MYO5B: variants seen among roughly 807,000 people sequenced by gnomAD.
MYO5B encodes unconventional myosin-Vb.
MYO5B carries 143 observed loss-of-function variants against 229.3 expected under a neutral mutation model. The ratio of observed to expected loss-of-function variants is 0.62; its 90% CI spans 0.54 to 0.72. The LOEUF (loss-of-function observed/expected upper bound fraction) is 0.72. Ranked by LOEUF, MYO5B falls within the 30% of genes least tolerant of loss-of-function variation. MYO5B has a pLI of 0.00. For synonymous variants in MYO5B, 918 were observed against 885.2 expected (o/e 1.04, Z -0.66); for missense variants, 2,321 against 2,331.0 (o/e 1.00, Z 0.09).
rs1016060037 is a variant in MYO5B, at chr18:49,896,025, C to G, written c.2812-851G>C. On this transcript the variant is annotated intron_variant, in intron 21 of 39. Coordinates refer to ENST00000285039, the MANE Select transcript of MYO5B (RefSeq NM_001080467.3). ...TGGTCATTGATTATTCTTCATTGCT[C>G]TGGTCTGTAGGAGCGCCAGGCAGAA... is the stretch of plus-strand genomic sequence containing the variant. Among the ~76,000 whole-genome samples the G allele has an allele frequency of 2.6e-4, 40 of 152,342 alleles. 1 individual carries two copies. Among genetic ancestry groups the G allele is most frequent in the African/African-American group, 4.8e-5 (2 of 41,590 alleles).
At chr18:50,138,697 A>G (rs565709750) in intron 1 of MYO5B, among the ~76,000 whole-genome samples, 1 of 152,178 alleles carries the variant, frequency 6.6e-6, no homozygotes, top group East Asian at 1.9e-4. Flanking sequence ...AACCTCTAAG[A>G]GGTTTGATAA....
chr18:49,838,646 C>G (rs568020579), intron 36 of MYO5B, among the ~76,000 whole-genome samples: 1 of 152,102 alleles, frequency 6.6e-6, no homozygotes, highest in Non-Finnish European at 1.5e-5. Flanking sequence ...ATTTTTCTTC[C>G]GATTGAAAAT....
chr18:50,122,336 T>C (rs1038040188), intron 1 of MYO5B, among the ~76,000 whole-genome samples: 8 of 149,230 alleles, frequency 5.4e-5, no homozygotes, highest in African/African-American at 1.7e-4. Context: ...GCGTGGTGGC[T>C]CATGCCTGTA....
chr18:49,901,168 C>T (rs2024837306), intron 21 of MYO5B, among the ~76,000 whole-genome samples: 1 of 152,240 alleles, frequency 6.6e-6, no homozygotes, highest in African/African-American at 2.4e-5. Flanking sequence ...GATTTCCTCC[C>T]TTATGATACA....
intron 17 of MYO5B, among the ~76,000 whole-genome samples, chr18:49,925,808 T>C (rs2025122858): frequency 6.6e-6 from 1 of 152,226 alleles, no homozygotes; most frequent in South Asian, 2.1e-4. Flanking sequence ...ATCTGAACCC[T>C]GGGCTTGTAA....
chr18:49,912,010 A>G, intron 18 of MYO5B, 52 bp downstream of exon 18: 3 of 1,422,942 alleles, frequency 2.1e-6, no homozygotes, highest in East Asian at 4.5e-5. Flanking sequence ...CACCCCCTCA[A>G]TCTTTAGGGG....
At chr18:50,146,087 T>C (rs76025048) in intron 1 of MYO5B, among the ~76,000 whole-genome samples, 33 of 152,372 alleles carry the variant, frequency 2.2e-4, no homozygotes, top group African/African-American at 7.7e-4. Context: ...AATTATGATT[T>C]ATTGAGGGCA....
chr18:50,085,461 C>T (rs1328925233), intron 1 of MYO5B, among the ~76,000 whole-genome samples: 84 of 151,982 alleles, frequency 5.5e-4, no homozygotes, highest in African/African-American at 1.9e-3. Context: ...TTTTACACTG[C>T]TGGTGGGACT....
chr18:49,851,932 C>G (rs1160233292), intron 31 of MYO5B, among the ~76,000 whole-genome samples: 3 of 152,172 alleles, frequency 2.0e-5, no homozygotes, highest in Non-Finnish European at 4.4e-5. Context: ...TCTGTCTGGG[C>G]AAATGAGGAG....
chr18:49,873,318 A>G (rs2024477827), intron 26 of MYO5B, among the ~76,000 whole-genome samples: 1 of 152,222 alleles, frequency 6.6e-6, no homozygotes, highest in Admixed American at 6.5e-5. Flanking sequence ...TTTTGGAGGT[A>G]AAAATGGACA....
chr18:49,944,607 T>A (rs2025350845), intron 14 of MYO5B, among the ~76,000 whole-genome samples: 1 of 152,194 alleles, frequency 6.6e-6, no homozygotes, highest in South Asian at 2.1e-4. Flanking sequence ...TCAGGCTTAC[T>A]AGATTTTAAC....
intron 13 of MYO5B, 94 bp from the exon 14 acceptor site, chr18:49,953,437 G>T: frequency 9.1e-7 from 1 of 1,103,270 alleles, no homozygotes; most frequent in Non-Finnish European, 1.4e-6. Context: ...TTTCTGAAAA[G>T]AGCTGTGAGT....
chr18:49,897,210 C>T (rs548111578), intron 21 of MYO5B, among the ~76,000 whole-genome samples: 13 of 152,300 alleles, frequency 8.5e-5, no homozygotes, highest in African/African-American at 1.2e-4. Flanking sequence ...CGTCCTTGCA[C>T]CTGCAGGTGT....
rs1234061186 is a variant in MYO5B at position 50,170,278 on chromosome 18, T to G, written c.27+24489A>C. On this transcript the variant is annotated intron_variant, in intron 1 of 39. Transcript: ENST00000285039. ...TGTAGCACCGCAGCATCGCAATGAG[T>G]CAAAGCAGGTTTTCAAGTTTTCCAT... 1.6e-5 allele frequency among the ~76,000 whole-genome samples: 2 copies of G among 126,310 alleles called. 1 individual carries two copies. The highest frequency in any genetic ancestry group is 3.4e-5 in the Non-Finnish European group (2 of 59,546). 82.9% of individuals were successfully genotyped at this position (126,310 alleles called of 152,430 possible).
Position 50,107,109 on chromosome 18 carries a change from C to CTTTT in MYO5B, c.28-51735_28-51732dup, listed in dbSNP as rs71169479. On this transcript the variant is annotated intron_variant, in intron 1 of 39. Coordinates refer to ENST00000285039, the MANE Select transcript of MYO5B (RefSeq NM_001080467.3). ...AGGGTTTCCTAATGCCTTAGGGTGC[C>CTTTT]TTTTTTTTTTTTTTTTTTTTTTTTT... Among the ~76,000 whole-genome samples, 76 of 56,650 alleles carry CTTTT rather than the reference C, an allele frequency of 1.3e-3. 7 individuals carry two copies. Among genetic ancestry groups the CTTTT allele is most frequent in the South Asian group, 1.8e-3 (2 of 1,114 alleles). 37.2% of individuals were successfully genotyped at this position (56,650 alleles called of 152,430 possible).
chr18:49,958,394 C>T (rs1293971916), intron 12 of MYO5B, among the ~76,000 whole-genome samples: 1 of 152,224 alleles, frequency 6.6e-6, no homozygotes, highest in Non-Finnish European at 1.5e-5. Context: ...TTCCTCCATT[C>T]TCTTCAAGCT....
rs553458736 is a variant in MYO5B, at chr18:50,102,326, C to T, written c.28-46948G>A. 1.6e-4 allele frequency among the ~76,000 whole-genome samples: 24 copies of T among 151,874 alleles called. No individual in the cohort carries two copies. In the South Asian group the frequency reaches 2.9e-3, roughly 18 times the overall value. ...CACATACTTATGTAACAAACCTGTA[C>T]GTTCTGCATACATATCCTACCCAGA... On this transcript the variant is annotated intron_variant, in intron 1 of 39. Coordinates refer to ENST00000285039, the MANE Select transcript of MYO5B (RefSeq NM_001080467.3).
At chr18:49,851,735 A>G (rs1158276946) in intron 31 of MYO5B, among the ~76,000 whole-genome samples, 1 of 151,536 alleles carries the variant, frequency 6.6e-6, no homozygotes, top group African/African-American at 2.4e-5. Flanking sequence ...CTTCCCTTAC[A>G]CTCCCTGTGA....
chr18:49,914,470 G>T (rs1427656908), intron 17 of MYO5B, among the ~76,000 whole-genome samples: 2 of 152,118 alleles, frequency 1.3e-5, no homozygotes, highest in Non-Finnish European at 2.9e-5. Flanking sequence ...CTTTAAAAAT[G>T]TTGTCCAAAG....
Sources: allele counts gnomAD v4.1 joint callset (sites outside exome capture counted in the v4.1 genomes callset), GRCh38; gene constraint gnomAD v4.1.1; transcripts MANE v1.5; gene names NCBI Gene and HGNC (gene_info 2026-07-23, HGNC 2026-07-21).